HELZ: variants seen among roughly 807,000 people sequenced by gnomAD.
HELZ encodes helicase with zinc finger.
In HELZ, 23 loss-of-function variants were observed where a neutral mutation model predicts 218.2. The observed-to-expected ratio is 0.11, with a 90% confidence interval of 0.08 to 0.15. The LOEUF (loss-of-function observed/expected upper bound fraction) is 0.15, where lower values mean the gene tolerates loss of function less well. HELZ is among the 10% of genes least tolerant of loss of function. HELZ has a pLI of 1.00. For synonymous variants in HELZ, 814 were observed against 829.4 expected, an observed-to-expected ratio of 0.98 and a Z score of 0.32; for missense variants, 1,813 against 2,353.7, an observed-to-expected ratio of 0.77 and a Z score of 4.75.
At chr17:67,244,255 A>G (rs1422807440) in intron 1 of HELZ, among the ~76,000 whole-genome samples, 1 of 152,146 alleles carries the variant, frequency 6.6e-6, no homozygotes, top group Non-Finnish European at 1.5e-5. Flanking sequence ...ACTTTTTATT[A>G]TATTAATGAT....
chr17:67,188,767 T>C lies in HELZ; in HGVS notation c.865-151A>G. On this transcript the variant is annotated intron_variant, in intron 11 of 32. Coordinates refer to ENST00000358691, the MANE Select transcript of HELZ (RefSeq NM_014877.4). The surrounding 1 kb of genome is among the most constrained non-coding windows in gnomAD (Gnocchi z 4.1). ...CATTTAAGAAAAAAATCAGAATGGT[T>C]TTTTAAAATCAGTTGTTAAAATTAT... 1.6e-6 allele frequency: 1 copy of C among 620,670 alleles called. No homozygotes were observed. Among genetic ancestry groups the C allele is most frequent in the Non-Finnish European group, 2.7e-6 (1 of 364,412 alleles). The allele number at this position is 620,670 out of a possible 1,614,324, so 38.4% of individuals were successfully genotyped here. A position where few individuals can be genotyped will look rare whatever the true frequency, so the allele number is the denominator to read the frequency against.
intron 12 of HELZ, among the ~76,000 whole-genome samples, chr17:67,183,463 T>G (rs533208856): frequency 2.0e-5 from 3 of 152,240 alleles, no homozygotes; most frequent in Non-Finnish European, 4.4e-5. Flanking sequence ...AGATATATAA[T>G]ATGTTCTTAA....
chr17:67,158,398 A>G (rs2038903250), intron 17 of HELZ, among the ~76,000 whole-genome samples: 1 of 152,172 alleles, frequency 6.6e-6, no homozygotes, highest in Admixed American at 6.5e-5. Flanking sequence ...CATGCCTCCC[A>G]TGTTTGTTGT....
intron 32 of HELZ, among the ~76,000 whole-genome samples, chr17:67,084,750 AAATT>A (rs2036311346): frequency 6.6e-6 from 1 of 152,242 alleles, no homozygotes; most frequent in Admixed American, 6.5e-5. Flanking sequence ...AAAAAGTAAC[AAATT>A]ATTATCACTG....
Position 67,078,024 on chromosome 17 carries a change from T to C in HELZ, c.*228A>G, listed in dbSNP as rs561288640. The C allele has an allele frequency of 2.8e-6, 1 of 360,464 alleles. No individual in the cohort carries two copies. Among genetic ancestry groups the C allele is most frequent in the South Asian group, 5.5e-5 (1 of 18,048 alleles). The allele number at this position is 360,464 out of a possible 1,614,324, so 22.3% of individuals were successfully genotyped here. ...TAACAATACACAAATTTAAAAATTTTTTTATTCTACATAAAAGCTGTCAAA... is the reference window on the plus strand; with the variant it reads ...TAACAATACACAAATTTAAAAATTTCTTTATTCTACATAAAAGCTGTCAAA... On this transcript the variant is annotated 3_prime_UTR_variant, in exon 33 of 33. Transcript: ENST00000358691.
intron 17 of HELZ, among the ~76,000 whole-genome samples, chr17:67,157,886 T>C (rs535155830): frequency 2.6e-5 from 4 of 152,310 alleles, no homozygotes; most frequent in South Asian, 2.1e-4. Context: ...CCTCCATAGA[T>C]GACCTCTATC....
chr17:67,152,934 G>C (rs959135028), intron 17 of HELZ, among the ~76,000 whole-genome samples: 1 of 152,080 alleles, frequency 6.6e-6, no homozygotes, highest in African/African-American at 2.4e-5. Flanking sequence ...GATAGAAATA[G>C]GAGTAACTGT....
chr17:67,245,474 G>C (rs1428442716), upstream of HELZ: 1 of 985,710 alleles, frequency 1.0e-6, no homozygotes, highest in African/African-American at 1.7e-5. Context: ...GCCTCGCCGC[G>C]TTCCTGCCCG....
intron 15 of HELZ, 140 bp downstream of exon 15, chr17:67,166,338 C>CAAACA (rs540231740): frequency 7.8e-5 from 46 of 589,626 alleles, no homozygotes; most frequent in Admixed American, 4.9e-4. Flanking sequence ...TTTAAGTGTT[C>CAAACA]TTTTACTCTC....
intron 21 of HELZ, among the ~76,000 whole-genome samples, chr17:67,141,882 A>G (rs2038337912): frequency 1.3e-5 from 2 of 152,068 alleles, no homozygotes; most frequent in South Asian, 2.1e-4. Context: ...TGCCTCTACT[A>G]AAAATATAAA....
chr17:67,120,517 T>A lies in HELZ; in HGVS notation c.3726A>T (p.Thr1242=), dbSNP rs2037576731. Residue 1242 remains threonine (T), a synonymous_variant, in exon 27 of 33, where the codon ACA becomes ACT. Transcript: ENST00000358691. The part of the protein sequence containing the change: ...AMAYNMNLLQ[T]HGRGSPIPYG... ...AAGGAATAGGAGATCCTCGTCCATG[T>A]GTCTGTAATAGGTTCATGTTATAGG... 1.2e-6 allele frequency: 2 copies of A among 1,613,760 alleles called. No individual in the cohort carries two copies. Among genetic ancestry groups the A allele is most frequent in the Non-Finnish European group, 8.5e-7 (1 of 1,179,892 alleles).
chr17:67,115,683 C>G (rs2037404604), intron 27 of HELZ, among the ~76,000 whole-genome samples: 1 of 152,060 alleles, frequency 6.6e-6, no homozygotes, highest in South Asian at 2.1e-4. Flanking sequence ...ATGATAAAAA[C>G]TGCCAACCAA....
intron 14 of HELZ, 28 bp from the exon 15 acceptor site, chr17:67,166,636 A>G: frequency 6.2e-7 from 1 of 1,610,400 alleles, no homozygotes. Flanking sequence ...TGTTTTAAAA[A>G]CTGCATGAAA....
In HELZ at chr17:67,218,679, T is replaced by C. The variant is rs374647472; in HGVS notation, c.126A>G (p.Ala42=). 1.3e-4 allele frequency: 204 copies of C among 1,614,178 alleles called. No individual in the cohort carries two copies. The highest frequency in any genetic ancestry group is 1.7e-4 in the Non-Finnish European group (198 of 1,180,020). The change falls in exon 4 of 33, where the codon GCA becomes GCG. Residue 42 remains alanine (A), a synonymous_variant. Transcript: ENST00000358691. ...CCAATGGACAAGGCCCTGTGAAGTCTGCCATGGAGTACTGGCCAAGAGAAA... is the reference window on the plus strand; with the variant it reads ...CCAATGGACAAGGCCCTGTGAAGTCCGCCATGGAGTACTGGCCAAGAGAAA... ...ALLSLGQYSM[A]DFTGPCPLEI... is the part of the protein sequence containing the mutation.
intron 9 of HELZ, among the ~76,000 whole-genome samples, chr17:67,191,936 G>A (rs990360573): frequency 1.3e-5 from 2 of 151,794 alleles, no homozygotes; most frequent in African/African-American, 4.8e-5. Flanking sequence ...GGGCACAGTG[G>A]CTCACGCCTG....
intron 21 of HELZ, among the ~76,000 whole-genome samples, chr17:67,144,827 C>T (rs1293905739): frequency 6.6e-6 from 1 of 152,068 alleles, no homozygotes; most frequent in Non-Finnish European, 1.5e-5. Context: ...AAGTTATTTT[C>T]AATATTTCAA....
chr17:67,202,377 C>T (rs190317966), intron 6 of HELZ, among the ~76,000 whole-genome samples: 1 of 152,252 alleles, frequency 6.6e-6, no homozygotes, highest in East Asian at 1.9e-4. Context: ...GCCTATTGCC[C>T]TAGCTACTGA....
At chr17:67,143,779 T>C (rs566861679) in intron 21 of HELZ, among the ~76,000 whole-genome samples, 42 of 152,232 alleles carry the variant, frequency 2.8e-4, no homozygotes, top group African/African-American at 1.0e-3. Flanking sequence ...TTTAAGCATG[T>C]GAAAGAAGAC....
intron 31 of HELZ, among the ~76,000 whole-genome samples, chr17:67,092,902 A>G (rs990629621): frequency 0.011 from 1,539 of 145,314 alleles, 25 homozygotes; most frequent in African/African-American, 0.035. Flanking sequence ...CGGGGGGGGG[A>G]AGTTGCAGTG....
Sources: allele counts gnomAD v4.1 joint callset (sites outside exome capture counted in the v4.1 genomes callset), GRCh38; gene constraint gnomAD v4.1.1; non-coding constraint Gnocchi (gnomAD v3.1); transcripts MANE v1.5; gene names NCBI Gene and HGNC (gene_info 2026-07-23, HGNC 2026-07-21).